Variants in SV2C observed in about 807,000 individuals in gnomAD.
SV2C encodes the protein synaptic vesicle glycoprotein 2C.
In SV2C, 49 loss-of-function variants were observed where a neutral mutation model predicts 79.7. That is an observed-to-expected ratio of 0.61 (90% CI 0.49 to 0.78). The LOEUF is 0.78. SV2C is among the 30% of genes least tolerant of loss of function. The pLI is 0.00. For missense variants in SV2C, 833 were observed against 912.9 expected (o/e 0.91, Z 1.13); for synonymous variants, 334 against 333.2 (o/e 1.00, Z -0.03).
intron 1 of SV2C, among the ~76,000 whole-genome samples, chr5:76,124,999 A>G (rs1445217360): frequency 6.6e-6 from 1 of 152,182 alleles, no homozygotes; most frequent in Non-Finnish European, 1.5e-5. Flanking sequence ...CAGGTTTGCC[A>G]TTTGTGTGAG....
At chr5:75,905,290 A>T in the SV2C span, among the ~76,000 whole-genome samples, 2 of 152,170 alleles carry the variant, frequency 1.3e-5, no homozygotes, top group Non-Finnish European at 2.9e-5. Context: ...AAGACCCTTG[A>T]TATGTAATAA....
the SV2C span, among the ~76,000 whole-genome samples, chr5:75,972,415 T>C: frequency 2.0e-5 from 3 of 152,024 alleles, no homozygotes; most frequent in Admixed American, 6.6e-5. Flanking sequence ...AGAACATTTT[T>C]GCAACCTACT....
chr5:76,023,684 G>GTGTATATA, the SV2C span, among the ~76,000 whole-genome samples: 1,133 of 148,790 alleles, frequency 7.6e-3, 3 homozygotes, highest in East Asian at 0.016. Flanking sequence ...ATGTGTGTGT[G>GTGTATATA]TATATATATA....
chr5:75,952,759 G>A, the SV2C span, among the ~76,000 whole-genome samples: 224 of 151,962 alleles, frequency 1.5e-3, no homozygotes, highest in African/African-American at 5.3e-3. Context: ...TGTACAGCCT[G>A]CAGAGCCGTG....
chr5:75,848,108 G>A, the SV2C span, among the ~76,000 whole-genome samples: 1 of 152,208 alleles, frequency 6.6e-6, no homozygotes, highest in Non-Finnish European at 1.5e-5. Context: ...CTAAGAGTAG[G>A]AGCTGGAACG....
chr5:76,215,863 G>A (rs138960816), intron 4 of SV2C, among the ~76,000 whole-genome samples: 10 of 152,160 alleles, frequency 6.6e-5, no homozygotes, highest in South Asian at 2.1e-4. Context: ...ACAGAGGCTC[G>A]TGGACAAAGG....
chr5:75,931,373 T>A, the SV2C span, among the ~76,000 whole-genome samples: 1 of 152,200 alleles, frequency 6.6e-6, no homozygotes, highest in Non-Finnish European at 1.5e-5. Context: ...TGAGTCTCAG[T>A]CTTCCTGTCT....
intron 2 of SV2C, among the ~76,000 whole-genome samples, chr5:76,177,013 G>A (rs1482385006): frequency 6.6e-6 from 1 of 151,600 alleles, no homozygotes; most frequent in Non-Finnish European, 1.5e-5. Context: ...TACTCGGGAG[G>A]CTGAGGCAGG....
intron 2 of SV2C, among the ~76,000 whole-genome samples, chr5:76,170,302 CAT>C (rs1444195076): frequency 6.1e-5 from 8 of 132,010 alleles, no homozygotes; most frequent in Admixed American, 4.8e-4. Context: ...TGACCAATTA[CAT>C]ATGATTAAAA....
chr5:75,924,222 A>G, the SV2C span, among the ~76,000 whole-genome samples: 4 of 152,168 alleles, frequency 2.6e-5, no homozygotes, highest in South Asian at 2.1e-4. Context: ...ATACAAAGGC[A>G]TAAGAGTGAT....
intron 3 of SV2C, among the ~76,000 whole-genome samples, chr5:76,203,955 T>C (rs1035092789): frequency 6.6e-6 from 1 of 152,244 alleles, no homozygotes; most frequent in East Asian, 1.9e-4. Flanking sequence ...TTCTCCCATT[T>C]CTATCTTTAT....
At position 76,332,458 on chromosome 5, in the gene SV2C, T is replaced by C. The variant is rs1026754154; in HGVS notation, c.*6911T>C. 1 of 152,292 alleles carries C rather than the reference T, an allele frequency of 6.6e-6. No homozygotes were observed. The highest frequency in any genetic ancestry group is 2.1e-4 in the South Asian group (1 of 4,820). 9.4% of individuals were successfully genotyped at this position (152,292 alleles called of 1,614,324 possible). ...AGAGTCAGTTGAGAAACATAGCTAT[T>C]ACTAAAAAATTAAATAAGATTAGAT... is the stretch of plus-strand genomic sequence containing the variant. On this transcript the variant is annotated 3_prime_UTR_variant, in exon 13 of 13. Coordinates refer to ENST00000502798, the MANE Select transcript of SV2C (RefSeq NM_014979.4).
At chr5:76,234,707 G>T (rs1435776107) in intron 4 of SV2C, among the ~76,000 whole-genome samples, 2 of 152,208 alleles carry the variant, frequency 1.3e-5, no homozygotes, top group Non-Finnish European at 2.9e-5. Context: ...TTAGGGAAAA[G>T]GTTATTGATT....
chr5:76,008,395 AT>A, the SV2C span, among the ~76,000 whole-genome samples: 1 of 152,162 alleles, frequency 6.6e-6, no homozygotes, highest in Non-Finnish European at 1.5e-5. Context: ...TTTCACCTAT[AT>A]CCACAGAGAC....
chr5:75,989,666 G>T, the SV2C span, among the ~76,000 whole-genome samples: 2 of 151,890 alleles, frequency 1.3e-5, no homozygotes, highest in Non-Finnish European at 2.9e-5. Context: ...GGATTGCTGT[G>T]TAGAATGGTA....
chr5:76,012,950 T>C, the SV2C span, among the ~76,000 whole-genome samples: 1 of 152,166 alleles, frequency 6.6e-6, no homozygotes, highest in Admixed American at 6.5e-5. Flanking sequence ...CTCTGTTCTG[T>C]TCTTTTGGTC....
At chr5:75,979,282 G>A in the SV2C span, among the ~76,000 whole-genome samples, 2 of 151,942 alleles carry the variant, frequency 1.3e-5, no homozygotes, top group African/African-American at 4.8e-5. Context: ...TAGTAATAGT[G>A]GGAGACTTTA....
intron 2 of SV2C, among the ~76,000 whole-genome samples, chr5:76,152,039 G>A (rs1294210217): frequency 1.3e-5 from 2 of 152,186 alleles, no homozygotes; most frequent in Admixed American, 6.5e-5. Context: ...AAAATAAATG[G>A]TTTGAATGTA....
At chr5:76,093,599 T>G (rs1747449815) in intron 1 of SV2C, among the ~76,000 whole-genome samples, 1 of 152,200 alleles carries the variant, frequency 6.6e-6, no homozygotes, top group Non-Finnish European at 1.5e-5. Context: ...CTTATTCTTC[T>G]TATCCTCCAA....
Sources: gnomAD v4.1 joint callset for allele counts (sites outside exome capture counted in the v4.1 genomes callset) on GRCh38, gnomAD v4.1.1 for gene constraint, MANE v1.5 for transcripts, NCBI Gene and HGNC (gene_info 2026-07-23, HGNC 2026-07-21) for gene names.